FER1L5: variants seen among roughly 807,000 people sequenced by gnomAD.
The protein encoded by FER1L5 is fer-1 like family member 5.
FER1L5 carries 187 observed loss-of-function variants against 279.9 expected under a neutral mutation model. The observed-to-expected ratio is 0.67, with a 90% confidence interval of 0.59 to 0.75. The LOEUF is 0.75. Ranked by LOEUF, FER1L5 falls within the 30% of genes least tolerant of loss-of-function variation. The pLI is 0.00. For missense variants in FER1L5, 2,091 were observed against 2,594.4 expected (o/e 0.81, Z 4.21); for synonymous variants, 921 against 989.7 (o/e 0.93, Z 1.30).
chr2:96,679,380 C>T (rs551346983), intron 19 of FER1L5, among the ~76,000 whole-genome samples: 17 of 152,294 alleles, frequency 1.1e-4, no homozygotes, highest in South Asian at 2.1e-4. Context: ...CGTGTCACCA[C>T]GCCCAGCTAA....
intron 1 of FER1L5, among the ~76,000 whole-genome samples, chr2:96,644,986 T>G (rs2075055336): frequency 5.3e-5 from 8 of 152,228 alleles, no homozygotes; most frequent in Admixed American, 5.2e-4. Context: ...AGAACCCTGT[T>G]TGAATACAAA....
At chr2:96,668,590 C>T (rs769279059) in intron 14 of FER1L5, among the ~76,000 whole-genome samples, 161 bp from the exon 15 acceptor site, 62 of 152,148 alleles carry the variant, frequency 4.1e-4, no homozygotes, top group Admixed American at 7.2e-4. Flanking sequence ...AAGCTCGATT[C>T]GCTTGGTTCA....
At chr2:96,692,528 T>C (rs1287812714) in intron 31 of FER1L5, among the ~76,000 whole-genome samples, 1 of 152,160 alleles carries the variant, frequency 6.6e-6, no homozygotes, top group African/African-American at 2.4e-5. Context: ...GAGGGCTCCA[T>C]CCCAGTGGTG....
Position 96,673,102 on chromosome 2 carries a change from G to T in FER1L5, c.1517G>T (p.Gly506Val). ...IEKHQNRQKY[G>V]LCVIFLSCTM... ...AAGCACCAGAACCGCCAAAAGTATG[G>T]GCTGTGCGTCATCTTCCTTTCCTGT... is the stretch of plus-strand genomic sequence containing the variant. The change falls in exon 19 of 53, where the codon GGG becomes GTG. Residue 506 changes from glycine to valine, a missense_variant. Physicochemically the swap from Gly to Val is moderately radical, Grantham distance 109. Transcript: ENST00000624922. 1 of 1,551,572 alleles carries T rather than the reference G, an allele frequency of 6.4e-7. No homozygotes were observed. Among genetic ancestry groups the T allele is most frequent in the Non-Finnish European group, 8.7e-7 (1 of 1,146,952 alleles).
At chr2:96,703,499 C>A in intron 50 of FER1L5, 24 bp from the exon 51 acceptor site, 1 of 1,612,740 alleles carries the variant, frequency 6.2e-7, no homozygotes, top group Non-Finnish European at 8.5e-7. Context: ...CACTCAGCCT[C>A]CCCCTCACCC....
Position 96,699,649 on chromosome 2 carries a change from A to C in FER1L5, c.4710A>C (p.Thr1570=), listed in dbSNP as rs1014213467. The C allele has an allele frequency of 1.2e-6, 2 of 1,614,010 alleles. No individual in the cohort carries two copies. The highest frequency in any genetic ancestry group is 1.7e-6 in the Non-Finnish European group (2 of 1,179,898). ...CACCTGATGATAAGATAGGAACCACAGTCATCGACCTTGAAAACCGACTCC... is the reference window on the plus strand; with the variant it reads ...CACCTGATGATAAGATAGGAACCACCGTCATCGACCTTGAAAACCGACTCC... ...LFSPDDKIGT[T]VIDLENRLLS... Residue 1570 remains threonine (T), a synonymous_variant, in exon 43 of 53, where the codon ACA becomes ACC. Coordinates refer to ENST00000624922, the MANE Select transcript of FER1L5 (RefSeq NM_001293083.2).
chr2:96,672,614 C>G (rs561982333), intron 18 of FER1L5, among the ~76,000 whole-genome samples: 1 of 151,924 alleles, frequency 6.6e-6, no homozygotes, highest in African/African-American at 2.4e-5. Flanking sequence ...GCATAGTGGG[C>G]AGCTGGAGCA....
At chr2:96,703,789 T>G (rs1376140277) in intron 51 of FER1L5, among the ~76,000 whole-genome samples, 157 bp downstream of exon 51, 1 of 150,012 alleles carries the variant, frequency 6.7e-6, no homozygotes, top group African/African-American at 2.5e-5. Context: ...GGGGTGAGGG[T>G]TGGAGTAAGC....
chr2:96,643,914 G>A (rs568564497), intron 1 of FER1L5, among the ~76,000 whole-genome samples: 1 of 151,964 alleles, frequency 6.6e-6, no homozygotes, highest in South Asian at 2.1e-4. Context: ...GCTCACACCT[G>A]TAATCCCAGC....
At chr2:96,666,381 T>C in intron 14 of FER1L5, among the ~76,000 whole-genome samples, 1 of 151,822 alleles carries the variant, frequency 6.6e-6, no homozygotes, top group Non-Finnish European at 1.5e-5. Context: ...CCCCTTCCAA[T>C]GTCCTTCCTT....
chr2:96,701,066 C>A (rs2077571091), intron 45 of FER1L5, among the ~76,000 whole-genome samples: 1 of 152,094 alleles, frequency 6.6e-6, no homozygotes, highest in Admixed American at 6.5e-5. Context: ...GTAATCCCAG[C>A]CTGTGGGAGG....
rs1367089604 is a variant in FER1L5, at chr2:96,663,451, A to G, written c.1084A>G (p.Met362Val). 6.4e-7 allele frequency: 1 copy of G among 1,551,656 alleles called. No homozygotes were observed. The highest frequency in any genetic ancestry group is 2.0e-5 in the Admixed American group (1 of 50,998). The change falls in exon 14 of 53, where the codon ATG (methionine) becomes GTG (valine). Residue 362 changes from methionine (M) to valine (V), a missense_variant. Transcript: ENST00000624922. ...ELIGEKLRTHMQTQTDNPIWN... is the reference protein window; with the variant it reads ...ELIGEKLRTHVQTQTDNPIWN... ...TGGGACATTCCAGCTCAGGACACACATGCAGACCCAAACCGACAACCCGAT... is the reference window on the plus strand; with the variant it reads ...TGGGACATTCCAGCTCAGGACACACGTGCAGACCCAAACCGACAACCCGAT...
At chr2:96,695,416 C>T in intron 34 of FER1L5, 93 bp from the exon 35 acceptor site, 1 of 1,453,480 alleles carries the variant, frequency 6.9e-7, no homozygotes, top group Non-Finnish European at 9.1e-7. Context: ...TCCTGCTGCA[C>T]CGCTATTGCC....
At chr2:96,650,757 C>CA (rs1558839138) in intron 6 of FER1L5, among the ~76,000 whole-genome samples, 1 of 152,210 alleles carries the variant, frequency 6.6e-6, no homozygotes, top group African/African-American at 2.4e-5. Flanking sequence ...GCTTCTAGCC[C>CA]GTGGCCTAAC....
chr2:96,694,112 A>G lies in FER1L5; in HGVS notation c.3636+40A>G. ...GGCCTGGCTGGGAAGTGTGGCACTC[A>G]GTGCCCCTCCCCGTCCCACCCCCAG... On this transcript the variant is annotated intron_variant, in intron 33 of 52. Coordinates refer to ENST00000624922, the MANE Select transcript of FER1L5 (RefSeq NM_001293083.2). This position sits in a 1 kb window ranked among gnomAD's most constrained non-coding sequence, Gnocchi z 4.6. 6.6e-7 allele frequency: 1 copy of G among 1,515,864 alleles called. No homozygotes were observed. The highest frequency in any genetic ancestry group is 8.8e-7 in the Non-Finnish European group (1 of 1,135,094). 93.9% of individuals were successfully genotyped at this position (1,515,864 alleles called of 1,614,324 possible).
At position 96,686,684 on chromosome 2, in the gene FER1L5, C is replaced by T. The variant is rs540731995; in HGVS notation, c.2229+334C>T. 1.7e-3 allele frequency among the ~76,000 whole-genome samples: 263 copies of T among 151,948 alleles called. 3 individuals carry two copies. Among genetic ancestry groups the T allele is most frequent in the African/African-American group, 5.9e-3 (243 of 41,436 alleles). ...CAGCCTGACCAACTTGGTGAAACCCCGTCTCCACTAAAAATACAAAAAAAT... is the reference window on the plus strand; with the variant it reads ...CAGCCTGACCAACTTGGTGAAACCCTGTCTCCACTAAAAATACAAAAAAAT... On this transcript the variant is annotated intron_variant, in intron 23 of 52. Transcript: ENST00000624922.
chr2:96,660,912 CAAG>C (rs2075930267), intron 10 of FER1L5, among the ~76,000 whole-genome samples: 1 of 152,240 alleles, frequency 6.6e-6, no homozygotes, highest in African/African-American at 2.4e-5. Context: ...CCCTTTGGGT[CAAG>C]TGCTAGCCTT....
At chr2:96,677,153 T>C (rs2076541136) in intron 19 of FER1L5, among the ~76,000 whole-genome samples, 1 of 152,272 alleles carries the variant, frequency 6.6e-6, no homozygotes, top group Non-Finnish European at 1.5e-5. Flanking sequence ...ATCTTTGTTA[T>C]ACATTCTGGA....
In FER1L5 at chr2:96,694,153, T is replaced by C; in HGVS notation, c.3636+81T>C. ...CCACCCCCAGCCAGCGGGGGCCAACTCCACCCTGTCAGGAAATGCCTGGGG... is the reference window on the plus strand; with the variant it reads ...CCACCCCCAGCCAGCGGGGGCCAACCCCACCCTGTCAGGAAATGCCTGGGG... On this transcript the variant is annotated intron_variant, in intron 33 of 52. Coordinates refer to ENST00000624922, the MANE Select transcript of FER1L5 (RefSeq NM_001293083.2). The surrounding 1 kb of genome is among the most constrained non-coding windows in gnomAD (Gnocchi z 4.6). 1.4e-6 allele frequency: 2 copies of C among 1,465,124 alleles called. No homozygotes were observed. The highest frequency in any genetic ancestry group is 1.8e-6 in the Non-Finnish European group (2 of 1,107,258). 90.8% of individuals were successfully genotyped at this position (1,465,124 alleles called of 1,614,324 possible). A position where few individuals can be genotyped will look rare whatever the true frequency, so the allele number is the denominator to read the frequency against.
Sources: allele counts gnomAD v4.1 joint callset (sites outside exome capture counted in the v4.1 genomes callset), GRCh38; gene constraint gnomAD v4.1.1; non-coding constraint Gnocchi (gnomAD v3.1); transcripts MANE v1.5; gene names NCBI Gene and HGNC (gene_info 2026-07-23, HGNC 2026-07-21).